Variants in BICC1 observed in about 807,000 individuals in gnomAD.
BICC1 encodes BicC family RNA binding protein 1.
In BICC1, 43 loss-of-function variants were observed where a neutral mutation model predicts 111.0. That is an observed-to-expected ratio of 0.39 (90% CI 0.30 to 0.50). BICC1 has a LOEUF of 0.50. BICC1 is among the 20% of genes least tolerant of loss of function. BICC1 has a pLI of 0.88. For missense variants in BICC1, 1,091 were observed against 1,203.2 expected (o/e 0.91, Z 1.38); for synonymous variants, 467 against 434.4 (o/e 1.07, Z -0.93).
intron 1 of BICC1, among the ~76,000 whole-genome samples, chr10:58,574,603 A>T (rs1377263481): frequency 2.6e-5 from 4 of 152,142 alleles, no homozygotes; most frequent in African/African-American, 7.2e-5. Context: ...AGCCCCTTTT[A>T]CATTTTAAAA....
chr10:58,745,326 C>T (rs997858620), intron 3 of BICC1, among the ~76,000 whole-genome samples: 3 of 152,076 alleles, frequency 2.0e-5, no homozygotes, highest in Admixed American at 1.3e-4. Context: ...ACAGTATCTT[C>T]AACTGTGAGA....
chr10:58,613,759 G>A (rs2132115120), intron 1 of BICC1, among the ~76,000 whole-genome samples: 1 of 152,194 alleles, frequency 6.6e-6, no homozygotes, highest in African/African-American at 2.4e-5. Context: ...AAACTCTCTG[G>A]GAAAGTTGCT....
intron 1 of BICC1, among the ~76,000 whole-genome samples, chr10:58,549,691 C>CTT (rs1287240375): frequency 6.9e-5 from 8 of 115,390 alleles, no homozygotes; most frequent in East Asian, 2.5e-4. Flanking sequence ...TTGTTTTTTT[C>CTT]TTTTTTTTTT....
rs188551183 is a variant in BICC1, at chr10:58,825,055, C to T, written c.2795-3706C>T. Among the ~76,000 whole-genome samples the T allele has an allele frequency of 3.3e-5, 5 of 152,268 alleles. No homozygotes were observed. The East Asian group carries it at 5.8e-4, about 18-fold the overall frequency. ...ATTTCTTTACCATTCAAATAGGGCACCTCAGGTTTTCCCTGAAATTTTAGA... is the reference window on the plus strand; with the variant it reads ...ATTTCTTTACCATTCAAATAGGGCATCTCAGGTTTTCCCTGAAATTTTAGA... On this transcript the variant is annotated intron_variant, in intron 20 of 20. Coordinates refer to ENST00000373886, the MANE Select transcript of BICC1 (RefSeq NM_001080512.3).
chr10:58,790,561 C>T (rs1235945510), intron 8 of BICC1, among the ~76,000 whole-genome samples: 3 of 152,186 alleles, frequency 2.0e-5, no homozygotes, highest in Non-Finnish European at 4.4e-5. Context: ...GGTGCGGTAC[C>T]TCATGCCTGT....
chr10:58,738,792 G>A (rs1841558879), intron 3 of BICC1, among the ~76,000 whole-genome samples: 3 of 151,832 alleles, frequency 2.0e-5, no homozygotes, highest in African/African-American at 4.8e-5. Context: ...TCTCCTTGAA[G>A]AGGTCCTTCA....
At chr10:58,565,126 G>T (rs960359684) in intron 1 of BICC1, among the ~76,000 whole-genome samples, 5 of 152,094 alleles carry the variant, frequency 3.3e-5, no homozygotes, top group Admixed American at 6.5e-5. Context: ...GAAAAAATTT[G>T]TATGTTTGCA....
At chr10:58,716,942 C>T (rs1208354664) in intron 3 of BICC1, among the ~76,000 whole-genome samples, 1 of 149,122 alleles carries the variant, frequency 6.7e-6, no homozygotes, top group Non-Finnish European at 1.5e-5. Flanking sequence ...TGGATGCTGT[C>T]ATATGCTGCT....
At chr10:58,621,733 A>C (rs1325405816) in intron 2 of BICC1, among the ~76,000 whole-genome samples, 1 of 151,906 alleles carries the variant, frequency 6.6e-6, no homozygotes, top group African/African-American at 2.4e-5. Context: ...GCCTGTCTCT[A>C]CTAAAAATAT....
chr10:58,534,272 CT>C (rs942309795), intron 1 of BICC1, among the ~76,000 whole-genome samples: 4 of 151,456 alleles, frequency 2.6e-5, no homozygotes, highest in African/African-American at 7.3e-5. Flanking sequence ...ATGCTCTGAA[CT>C]TTTTTTTCAA....
At chr10:58,585,808 G>A (rs1844411852) in intron 1 of BICC1, among the ~76,000 whole-genome samples, 1 of 152,136 alleles carries the variant, frequency 6.6e-6, no homozygotes, top group African/African-American at 2.4e-5. Flanking sequence ...ATATATTGTA[G>A]TGTAGGTATT....
rs191582052 is a variant in BICC1, at chr10:58,823,627, C to T, written c.2794+3159C>T. The T allele has an allele frequency of 4.4e-5, 43 of 985,210 alleles. 1 individual carries two copies. The African/African-American group carries it at 6.5e-4, about 15-fold the overall frequency. 61.0% of individuals were successfully genotyped at this position (985,210 alleles called of 1,614,324 possible). Reference sequence around the variant, plus strand: ...CATGGCCCAGTTGTTGTCATGTGCTCAGTTATACATGTTATATATGCTAAA... The same window carrying T: ...CATGGCCCAGTTGTTGTCATGTGCTTAGTTATACATGTTATATATGCTAAA... On this transcript the variant is annotated intron_variant, in intron 20 of 20. Coordinates refer to ENST00000373886, the MANE Select transcript of BICC1 (RefSeq NM_001080512.3).
chr10:58,624,698 A>T (rs1230570990), intron 2 of BICC1, among the ~76,000 whole-genome samples: 1 of 152,148 alleles, frequency 6.6e-6, no homozygotes. Context: ...GGTTCAAGTG[A>T]TTCTCCTGCC....
At chr10:58,518,601 G>C (rs1421140662) in intron 1 of BICC1, among the ~76,000 whole-genome samples, 4 of 132,472 alleles carry the variant, frequency 3.0e-5, no homozygotes, top group East Asian at 2.4e-4. Context: ...GGGGGGGGGG[G>C]GGTGTGTTTG....
At chr10:58,814,061 G>A in intron 18 of BICC1, 75 bp downstream of exon 18, 1 of 1,528,874 alleles carries the variant, frequency 6.5e-7, no homozygotes, top group South Asian at 1.1e-5. Context: ...GAGTATCACT[G>A]ACTGTGGCCT....
At chr10:58,659,624 T>C (rs1447238517) in intron 2 of BICC1, among the ~76,000 whole-genome samples, 1 of 152,098 alleles carries the variant, frequency 6.6e-6, no homozygotes, top group Non-Finnish European at 1.5e-5. Flanking sequence ...GCTTATTACC[T>C]GGGTGGTGAA....
chr10:58,518,474 G>T (rs1389563405), intron 1 of BICC1, among the ~76,000 whole-genome samples: 1 of 151,702 alleles, frequency 6.6e-6, no homozygotes, highest in East Asian at 1.9e-4. Flanking sequence ...TTCAGATGCA[G>T]CAGTACTGTC....
intron 1 of BICC1, among the ~76,000 whole-genome samples, chr10:58,567,690 TAGAC>T (rs901507875): frequency 2.0e-5 from 3 of 152,092 alleles, no homozygotes; most frequent in African/African-American, 7.2e-5. Flanking sequence ...GCTAAGACCT[TAGAC>T]AGCCACTGTC....
chr10:58,804,926 C>G (rs1023717187), intron 15 of BICC1, among the ~76,000 whole-genome samples: 1 of 152,132 alleles, frequency 6.6e-6, no homozygotes, highest in South Asian at 2.1e-4. Context: ...AGTGCTATAT[C>G]CCCAGCTCTC....
Sources: gnomAD v4.1 joint callset for allele counts (sites outside exome capture counted in the v4.1 genomes callset) on GRCh38, gnomAD v4.1.1 for gene constraint, MANE v1.5 for transcripts, NCBI Gene and HGNC (gene_info 2026-07-23, HGNC 2026-07-21) for gene names.